FADS6: variants seen among roughly 807,000 people sequenced by gnomAD.
The protein encoded by FADS6 is fatty acid desaturase 6, also known as fatty acid desaturase domain family, member 6.
FADS6 carries 28 observed loss-of-function variants against 31.7 expected under a neutral mutation model. The ratio of observed to expected loss-of-function variants is 0.88; its 90% CI spans 0.66 to 1.21. The LOEUF (loss-of-function observed/expected upper bound fraction) is 1.21. Among genes scored for constraint, FADS6 ranks in the 50% most tolerant of loss-of-function variants. FADS6 has a pLI of 0.00. For synonymous variants in FADS6, 191 were observed against 213.1 expected (o/e 0.90, Z 0.90); for missense variants, 494 against 504.2 (o/e 0.98, Z 0.19).
chr17:74,884,490 G>T (rs898101435), intron 2 of FADS6, among the ~76,000 whole-genome samples: 4 of 152,186 alleles, frequency 2.6e-5, no homozygotes, highest in African/African-American at 9.7e-5. Flanking sequence ...CCTGAGGCTG[G>T]GTAGTTTGTA....
Position 74,878,042 on chromosome 17 carries a change from G to T in FADS6, c.*289C>A, listed in dbSNP as rs2038524983. 3.4e-6 allele frequency: 4 copies of T among 1,192,124 alleles called. No homozygotes were observed. Among genetic ancestry groups the T allele is most frequent in the South Asian group, 2.5e-5 (1 of 39,988 alleles). The allele number at this position is 1,192,124 out of a possible 1,614,324, so 73.8% of individuals were successfully genotyped here. A position where few individuals can be genotyped will look rare whatever the true frequency, so the allele number is the denominator to read the frequency against. ...CTACCAAGGCTCAGATGGAGCAGGG[G>T]GAAGGACCCAGCTCTTTAGTCCTGA... On this transcript the variant is annotated 3_prime_UTR_variant, in exon 6 of 6. Coordinates refer to ENST00000612771, the MANE Select transcript of FADS6 (RefSeq NM_178128.6).
downstream of FADS6, among the ~76,000 whole-genome samples, chr17:74,876,859 C>T (rs957613931): frequency 6.6e-6 from 1 of 152,028 alleles, no homozygotes; most frequent in African/African-American, 2.4e-5. Context: ...TGGGTCTGGC[C>T]TCCTTCTCTG....
intron 5 of FADS6, chr17:74,879,038 CTT>C (rs35990330): frequency 0.52 from 67,116 of 129,334 alleles, 18,754 homozygotes; most frequent in Non-Finnish European, 0.64. Flanking sequence ...CCCTCACCAC[CTT>C]TTTTTTTTTT....
At chr17:74,876,189 C>T (rs1214525535), downstream of FADS6, among the ~76,000 whole-genome samples, 1 of 152,184 alleles carries the variant, frequency 6.6e-6, no homozygotes, top group Non-Finnish European at 1.5e-5. Context: ...CGGAACAAGG[C>T]TCAGGGAATG....
chr17:74,878,310 G>A lies in FADS6; in HGVS notation c.*21C>T. On this transcript the variant is annotated 3_prime_UTR_variant, in exon 6 of 6. Transcript: ENST00000612771. ...GGGCCAGGCCAGGGAGGGGCAGGGT[G>A]GCTGCACCGGCCCGGCCTCATTACA... 6.2e-7 allele frequency: 1 copy of A among 1,605,606 alleles called. No homozygotes were observed. The highest frequency in any genetic ancestry group is 1.3e-5 in the African/African-American group (1 of 74,894).
chr17:74,887,382 A>G (rs1461051410), intron 2 of FADS6, among the ~76,000 whole-genome samples: 2 of 152,052 alleles, frequency 1.3e-5, no homozygotes, highest in African/African-American at 4.8e-5. Context: ...CCACACCCCC[A>G]TCTTGATAGC....
In FADS6 at chr17:74,880,138, C is replaced by T. The variant is rs372252320; in HGVS notation, c.781-555G>A. 4.6e-5 allele frequency among the ~76,000 whole-genome samples: 7 copies of T among 152,236 alleles called. No individual in the cohort carries two copies. In the East Asian group the frequency reaches 5.8e-4, roughly 13 times the overall value. On this transcript the variant is annotated intron_variant, in intron 4 of 5. Coordinates refer to ENST00000612771, the MANE Select transcript of FADS6 (RefSeq NM_178128.6). ...ACAAGGAAGTACAGGAAGCTCTACT[C>T]TGAGGCCTTCCCTGGGCAGGGAGCA...
chr17:74,887,654 C>A (rs1479220092), intron 2 of FADS6, among the ~76,000 whole-genome samples: 1 of 152,192 alleles, frequency 6.6e-6, no homozygotes. Flanking sequence ...ATGCAGGAAG[C>A]AGCCAGTAAG....
intron 2 of FADS6, 107 bp from the exon 3 acceptor site, chr17:74,882,817 T>A: frequency 6.5e-7 from 1 of 1,534,628 alleles, no homozygotes; most frequent in Non-Finnish European, 8.7e-7. Context: ...AAACCCTGCA[T>A]GTCCAGGGCC....
intron 2 of FADS6, among the ~76,000 whole-genome samples, chr17:74,887,886 C>T (rs2038640200): frequency 6.6e-6 from 1 of 152,126 alleles, no homozygotes; most frequent in South Asian, 2.1e-4. Context: ...CGGGGTTTCA[C>T]CATGTTGGCC....
intron 2 of FADS6, among the ~76,000 whole-genome samples, chr17:74,888,153 C>CGT (rs1290880276): frequency 7.4e-5 from 8 of 108,130 alleles, no homozygotes; most frequent in Non-Finnish European, 1.4e-4. Context: ...CACACACACA[C>CGT]ACGCGCGCGC....
chr17:74,875,933 G>A (rs1485272557), downstream of FADS6, among the ~76,000 whole-genome samples: 1 of 152,230 alleles, frequency 6.6e-6, no homozygotes, highest in Non-Finnish European at 1.5e-5. Flanking sequence ...GTATACAGAG[G>A]TGTGAGCAGG....
intron 4 of FADS6, 69 bp from the exon 5 acceptor site, chr17:74,879,652 C>T: frequency 2.7e-6 from 4 of 1,501,132 alleles, no homozygotes; most frequent in Non-Finnish European, 3.6e-6. Flanking sequence ...GTCCTGGGAC[C>T]TCATGCTACC....
intron 2 of FADS6, among the ~76,000 whole-genome samples, chr17:74,890,938 T>C (rs2038682288): frequency 6.6e-6 from 1 of 152,022 alleles, no homozygotes; most frequent in East Asian, 1.9e-4. Context: ...AGTCCTCTTC[T>C]CCAGCAAGCC....
rs1232306716 is a variant in FADS6, at chr17:74,877,843, G to A, written c.*488C>T. The A allele has an allele frequency of 1.0e-6, 1 of 986,698 alleles. No homozygotes were observed. Among genetic ancestry groups the A allele is most frequent in the Non-Finnish European group, 1.2e-6 (1 of 831,002 alleles). 61.1% of individuals were successfully genotyped at this position (986,698 alleles called of 1,614,324 possible). Reference sequence around the variant, plus strand: ...GCTCACCCTAAGGTCCCCGGGGAGAGGGCACCTTGGTGGGCAGAGCCTGAA... The same window carrying A: ...GCTCACCCTAAGGTCCCCGGGGAGAAGGCACCTTGGTGGGCAGAGCCTGAA... On this transcript the variant is annotated 3_prime_UTR_variant, in exon 6 of 6. Transcript: ENST00000612771.
chr17:74,882,921 G>T, intron 2 of FADS6: 1 of 1,341,774 alleles, frequency 7.5e-7, no homozygotes, highest in Non-Finnish European at 9.9e-7. Context: ...AATCGTGTCC[G>T]TTTGACGAGG....
chr17:74,892,390 G>C (rs111420608), intron 2 of FADS6, 133 bp downstream of exon 2: 1 of 1,109,542 alleles, frequency 9.0e-7, no homozygotes, highest in Non-Finnish European at 1.3e-6. Context: ...CCAGTGGACC[G>C]GCATACCATC....
chr17:74,888,238 C>T (rs1445677904), intron 2 of FADS6, among the ~76,000 whole-genome samples: 2 of 151,364 alleles, frequency 1.3e-5, no homozygotes, highest in Non-Finnish European at 2.9e-5. Flanking sequence ...GTAACTATTG[C>T]GTGAAATTGG....
At chr17:74,878,537 C>A in intron 5 of FADS6, 60 bp from the exon 6 acceptor site, 1 of 1,584,428 alleles carries the variant, frequency 6.3e-7, no homozygotes, top group Non-Finnish European at 8.6e-7. Context: ...GCCCATCATC[C>A]CGTCAGGGGA....
Sources: gnomAD v4.1 joint callset for allele counts (sites outside exome capture counted in the v4.1 genomes callset) on GRCh38, gnomAD v4.1.1 for gene constraint, MANE v1.5 for transcripts, NCBI Gene and HGNC (gene_info 2026-07-23, HGNC 2026-07-21) for gene names.